DLGAP4: variants seen among roughly 807,000 people sequenced by gnomAD.
DLGAP4 encodes disks large-associated protein 4.
A neutral mutation model predicts 86.9 loss-of-function variants in DLGAP4; 18 were observed. The ratio of observed to expected loss-of-function variants is 0.21; its 90% confidence interval spans 0.14 to 0.31. DLGAP4 has a LOEUF of 0.31. Ranked by LOEUF, DLGAP4 falls within the 10% of genes least tolerant of loss-of-function variation. The probability of loss-of-function intolerance (pLI) is 1.00; values close to 1 mark genes in which losing one functional copy is unlikely to be tolerated. For synonymous variants in DLGAP4, 548 were observed against 574.3 expected, an observed-to-expected ratio of 0.95 and a Z score of 0.65; for missense variants, 1,085 against 1,362.6, an observed-to-expected ratio of 0.80 and a Z score of 3.21.
At chr20:36,515,740 C>G (rs879460924) in intron 10 of DLGAP4, among the ~76,000 whole-genome samples, 4 of 152,172 alleles carry the variant, frequency 2.6e-5, no homozygotes, top group Non-Finnish European at 5.9e-5. Context: ...TTCTGAGGTG[C>G]CTTTTTTCCT....
In DLGAP4 at chr20:36,373,985, C is replaced by T. The variant is rs1422048556; in HGVS notation, c.-73+6710C>T. 2.1e-5 allele frequency among the ~76,000 whole-genome samples: 3 copies of T among 143,270 alleles called. No individual in the cohort carries two copies. In the East Asian group the frequency reaches 6.1e-4, roughly 29 times the overall value. The allele number at this position is 143,270 out of a possible 152,430, so 94.0% of individuals were successfully genotyped here. On this transcript the variant is annotated intron_variant, in intron 2 of 12. Coordinates refer to ENST00000339266, the MANE Select transcript of DLGAP4 (RefSeq NM_001365621.2). ...GCTGGAGGCAGAGGTTGCAGTGAAC[C>T]GAGATCGTGCCACTGCACTCCAGCC...
chr20:36,361,505 C>A (rs781946052), intron 1 of DLGAP4, among the ~76,000 whole-genome samples: 4 of 152,078 alleles, frequency 2.6e-5, no homozygotes, highest in Non-Finnish European at 4.4e-5. Flanking sequence ...GTTCCACATG[C>A]GTTTTGAAAA....
intron 1 of DLGAP4, among the ~76,000 whole-genome samples, chr20:36,336,273 T>C (rs1243487828): frequency 1.3e-5 from 2 of 152,172 alleles, no homozygotes; most frequent in African/African-American, 4.8e-5. Context: ...TGCCCCATCC[T>C]GATTTCCTCC....
At chr20:36,396,344 C>G (rs1600478305) in intron 2 of DLGAP4, among the ~76,000 whole-genome samples, 1 of 116,522 alleles carries the variant, frequency 8.6e-6, no homozygotes, top group Non-Finnish European at 1.8e-5. Context: ...CACGCACACA[C>G]ACACACACAT....
chr20:36,499,349 A>AAACCCCC, intron 8 of DLGAP4: 2 of 1,590,154 alleles, frequency 1.3e-6, no homozygotes, highest in Non-Finnish European at 1.7e-6. Context: ...TCTCCACCCC[A>AAACCCCC]TCCCACCTCC....
chr20:36,440,967 C>T lies in DLGAP4; in HGVS notation c.1356+1099C>T, dbSNP rs557726958. On this transcript the variant is annotated intron_variant, in intron 5 of 12. Coordinates refer to ENST00000339266, the MANE Select transcript of DLGAP4 (RefSeq NM_001365621.2). ...TATTCCTGGCCTAGCCAAGCTCCTT[C>T]CCCAGCCCCTCAGACATGGGGAGGG... Among the ~76,000 whole-genome samples, 3 of 152,242 alleles carry T rather than the reference C, an allele frequency of 2.0e-5. No individual in the cohort carries two copies. The East Asian group carries it at 5.8e-4, about 29-fold the overall frequency.
At position 36,513,102 on chromosome 20, in the gene DLGAP4, G is replaced by A. The variant is rs117982756; in HGVS notation, c.2513-11148G>A. Among the ~76,000 whole-genome samples the A allele has an allele frequency of 6.6e-4, 99 of 150,916 alleles. No individual in the cohort carries two copies. In the East Asian group the frequency reaches 0.013, roughly 20 times the overall value. On this transcript the variant is annotated intron_variant, in intron 10 of 12. Transcript: ENST00000339266. Reference sequence around the variant, plus strand: ...AAGTAGCTCGGACCACAGGCCCGCCGCACCTGGCTGGGAGTTTTACCAAGT... The same window carrying A: ...AAGTAGCTCGGACCACAGGCCCGCCACACCTGGCTGGGAGTTTTACCAAGT...
intron 7 of DLGAP4, chr20:36,461,876 C>A: frequency 1.0e-6 from 1 of 985,082 alleles, no homozygotes; most frequent in South Asian, 4.7e-5. Flanking sequence ...TCGCGCTCCT[C>A]CGCAGCCCCT....
chr20:36,365,228 G>C (rs1555894532), intron 1 of DLGAP4, among the ~76,000 whole-genome samples: 1 of 152,246 alleles, frequency 6.6e-6, no homozygotes, highest in Admixed American at 6.5e-5. Flanking sequence ...GCCGTGCTGG[G>C]CACAGGCCAC....
chr20:36,348,530 C>T (rs532460600), intron 1 of DLGAP4, among the ~76,000 whole-genome samples: 12 of 152,060 alleles, frequency 7.9e-5, no homozygotes, highest in South Asian at 2.1e-4. Flanking sequence ...GCAATTCTCC[C>T]GCCTCAGCCT....
chr20:36,330,842 G>A (rs1382165643), intron 1 of DLGAP4, among the ~76,000 whole-genome samples: 6 of 152,142 alleles, frequency 3.9e-5, no homozygotes, highest in African/African-American at 1.4e-4. Context: ...CAAAGTGCTG[G>A]GATTACAGGC....
intron 7 of DLGAP4, among the ~76,000 whole-genome samples, chr20:36,460,616 G>A (rs913852481): frequency 5.3e-5 from 8 of 152,242 alleles, no homozygotes; most frequent in African/African-American, 1.9e-4. Flanking sequence ...TTGGGTCTGC[G>A]TCTGGCAGAC....
chr20:36,468,861 A>G (rs1245974813), intron 7 of DLGAP4, among the ~76,000 whole-genome samples: 1 of 152,228 alleles, frequency 6.6e-6, no homozygotes, highest in Non-Finnish European at 1.5e-5. Context: ...GTCCCTTTCC[A>G]TTGTAGTAAT....
At chr20:36,352,396 G>A (rs541398615) in intron 1 of DLGAP4, among the ~76,000 whole-genome samples, 108 of 151,452 alleles carry the variant, frequency 7.1e-4, no homozygotes, top group Non-Finnish European at 1.1e-3. Context: ...TGCAGGCAGG[G>A]AGGCCAAGGG....
intron 2 of DLGAP4, among the ~76,000 whole-genome samples, chr20:36,426,379 G>T (rs1411478821): frequency 6.6e-6 from 1 of 152,112 alleles, no homozygotes; most frequent in African/African-American, 2.4e-5. Flanking sequence ...GCTGGGCATG[G>T]TGGCATGCGC....
chr20:36,475,508 T>C (rs2147681593), intron 7 of DLGAP4, among the ~76,000 whole-genome samples: 1 of 152,198 alleles, frequency 6.6e-6, no homozygotes, highest in African/African-American at 2.4e-5. Flanking sequence ...CAAGCCCGGC[T>C]CTCCATACAA....
rs756401114 is a variant in DLGAP4, at chr20:36,526,922, G to A, written c.2870G>A (p.Arg957His). The A allele has an allele frequency of 5.0e-6, 8 of 1,613,520 alleles. No individual in the cohort carries two copies. Among genetic ancestry groups the A allele is most frequent in the Non-Finnish European group, 5.1e-6 (6 of 1,179,890 alleles). ...AGCGACAAGCAGCGCCAGGAGGCCC[G>A]CAAGAGACTCCTGGCGGCCAAGCGG... ...DASDKQRQEA[R>H]KRLLAAKRAA... The change falls in exon 13 of 13, where the codon CGC becomes CAC. Residue 957 changes from arginine (R) to histidine (H), a missense_variant. Arg to His is a conservative substitution (Grantham distance 29, BLOSUM62 0). Transcript: ENST00000339266.
At chr20:36,396,218 A>C (rs2031943774) in intron 2 of DLGAP4, among the ~76,000 whole-genome samples, 1 of 151,810 alleles carries the variant, frequency 6.6e-6, no homozygotes, top group South Asian at 2.1e-4. Flanking sequence ...AGCACCGCAG[A>C]AGTGCAGTGA....
At position 36,436,045 on chromosome 20, in the gene DLGAP4, G is replaced by A; in HGVS notation, c.1000-64G>A. 4.7e-6 allele frequency: 7 copies of A among 1,477,094 alleles called. No homozygotes were observed. In the South Asian group the frequency reaches 7.0e-5, roughly 15 times the overall value. The allele number at this position is 1,477,094 out of a possible 1,614,324, so 91.5% of individuals were successfully genotyped here. A position where few individuals can be genotyped will look rare whatever the true frequency, so the allele number is the denominator to read the frequency against. ...CGAGGGAGCTTCAGGTCCCGGAGATGGGGGTTCTCGCCATCTGCTCATTTT... is the reference window on the plus strand; with the variant it reads ...CGAGGGAGCTTCAGGTCCCGGAGATAGGGGTTCTCGCCATCTGCTCATTTT... On this transcript the variant is annotated intron_variant, in intron 3 of 12. Transcript: ENST00000339266.
Sources: gnomAD v4.1 joint callset for allele counts (sites outside exome capture counted in the v4.1 genomes callset) on GRCh38, gnomAD v4.1.1 for gene constraint, MANE v1.5 for transcripts, NCBI Gene and HGNC (gene_info 2026-07-23, HGNC 2026-07-21) for gene names.